CBFA2T2: variants seen among roughly 807,000 people sequenced by gnomAD.
The protein encoded by CBFA2T2 is protein CBFA2T2.
CBFA2T2 carries 11 observed loss-of-function variants against 62.2 expected under a neutral mutation model. The observed-to-expected ratio is 0.18, with a 90% confidence interval of 0.11 to 0.29. The LOEUF (loss-of-function observed/expected upper bound fraction) is 0.29. Among genes scored for constraint, CBFA2T2 ranks in the 10% least tolerant of loss-of-function variants. CBFA2T2 has a pLI of 1.00. For synonymous variants in CBFA2T2, 295 were observed against 287.5 expected (o/e 1.03, Z -0.27); for missense variants, 592 against 774.1 (o/e 0.76, Z 2.79).
At chr20:33,536,029 C>T (rs2012211268) in intron 1 of CBFA2T2, among the ~76,000 whole-genome samples, 2 of 152,220 alleles carry the variant, frequency 1.3e-5, no homozygotes, top group Non-Finnish European at 2.9e-5. Context: ...AAGAATTTTT[C>T]TTGGTACAGA....
Position 33,570,145 on chromosome 20 carries a change from G to T in CBFA2T2, c.35-36811G>T, listed in dbSNP as rs2013489924. On this transcript the variant is annotated intron_variant, in intron 1 of 10. Transcript: ENST00000342704. ...AATACAAAGAAACTAGCCAGGTGTG[G>T]TGGCACATGCCTGTAATCCCAGCTA... Among the ~76,000 whole-genome samples the T allele has an allele frequency of 2.0e-5, 3 of 152,186 alleles. No individual in the cohort carries two copies. In the South Asian group the frequency reaches 6.2e-4, roughly 31 times the overall value.
intron 1 of CBFA2T2, among the ~76,000 whole-genome samples, chr20:33,513,797 G>A (rs2011549995): frequency 8.0e-6 from 1 of 124,246 alleles, no homozygotes; most frequent in Non-Finnish European, 1.6e-5. Context: ...CCGGGTGACA[G>A]AGTAAGACTC....
intron 5 of CBFA2T2, 56 bp from the exon 6 acceptor site, chr20:33,624,708 T>C: frequency 6.3e-7 from 1 of 1,587,004 alleles, no homozygotes; most frequent in Non-Finnish European, 8.6e-7. Flanking sequence ...TCTCAGGAAA[T>C]GTCTGCATGA....
intron 3 of CBFA2T2, chr20:33,618,457 T>C (rs2015795510): frequency 6.6e-6 from 1 of 152,214 alleles, no homozygotes; most frequent in African/African-American, 2.4e-5. Context: ...GCAGAGTTGC[T>C]GAGTCTCATT....
chr20:33,640,257 C>A, intron 9 of CBFA2T2, 84 bp from the exon 10 acceptor site: 1 of 1,236,010 alleles, frequency 8.1e-7, no homozygotes, highest in Non-Finnish European at 1.1e-6. Flanking sequence ...CACTTTGTGT[C>A]AGCTCTCTCC....
At chr20:33,594,227 TTTC>T in intron 1 of CBFA2T2, among the ~76,000 whole-genome samples, 2 of 152,278 alleles carry the variant, frequency 1.3e-5, no homozygotes, top group East Asian at 1.9e-4. Flanking sequence ...ATTTCTTTCT[TTTC>T]TTTTTTTTTG....
At chr20:33,572,091 C>T (rs570147486) in intron 1 of CBFA2T2, among the ~76,000 whole-genome samples, 8 of 152,266 alleles carry the variant, frequency 5.3e-5, no homozygotes, top group African/African-American at 1.7e-4. Flanking sequence ...CGGGGTTTTG[C>T]CATGTTGGCC....
In CBFA2T2 at chr20:33,531,469, A is replaced by G. The variant is rs187614370; in HGVS notation, c.34+41168A>G. 6.6e-5 allele frequency among the ~76,000 whole-genome samples: 10 copies of G among 152,348 alleles called. No individual in the cohort carries two copies. The East Asian group carries it at 1.9e-3, about 29-fold the overall frequency. ...ATTTTTGTTGGATTATTGCCCCACT[A>G]GAAAAAACAGTTCAGATCTGTTGCA... On this transcript the variant is annotated intron_variant, in intron 1 of 10. Coordinates refer to ENST00000342704, the MANE Select transcript of CBFA2T2 (RefSeq NM_001032999.3).
chr20:33,593,780 C>T (rs1484253184), intron 1 of CBFA2T2, among the ~76,000 whole-genome samples: 1 of 102,078 alleles, frequency 9.8e-6, no homozygotes, highest in Non-Finnish European at 1.9e-5. Context: ...CTACCATTCA[C>T]TCATGAAAGA....
Position 33,643,929 on chromosome 20 carries a change from C to T in CBFA2T2, c.1489-418C>T, listed in dbSNP as rs546738740. Among the ~76,000 whole-genome samples the T allele has an allele frequency of 2.8e-3, 413 of 147,948 alleles. 7 individuals are homozygous for T. Among genetic ancestry groups the T allele is most frequent in the Middle Eastern group, 0.017 (5 of 288 alleles). The stretch of plus-strand genomic sequence containing the variant: ...TGCAGAAAGGAGTAGGATAAATGTT[C>T]GTCTTAACACATGTGGTCTTAGGAT... On this transcript the variant is annotated intron_variant, in intron 10 of 10. Transcript: ENST00000342704.
intron 1 of CBFA2T2, among the ~76,000 whole-genome samples, chr20:33,538,737 C>T (rs976278805): frequency 1.3e-5 from 2 of 152,120 alleles, no homozygotes; most frequent in Non-Finnish European, 2.9e-5. Context: ...ACTTGTTTTA[C>T]TTATTTACTT....
chr20:33,544,889 G>A (rs994575197), intron 1 of CBFA2T2, among the ~76,000 whole-genome samples: 7 of 151,882 alleles, frequency 4.6e-5, no homozygotes, highest in African/African-American at 1.5e-4. Context: ...ACATGGTCAG[G>A]CATCTGATAG....
At chr20:33,629,392 A>T (rs530632829) in intron 7 of CBFA2T2, among the ~76,000 whole-genome samples, 3 of 152,374 alleles carry the variant, frequency 2.0e-5, no homozygotes, top group Admixed American at 2.0e-4. Flanking sequence ...CAGCAAATTT[A>T]CAGTGCTGCA....
rs182466965 is a variant in CBFA2T2 at position 33,537,598 on chromosome 20, G to T, written c.34+47297G>T. On this transcript the variant is annotated intron_variant, in intron 1 of 10. Transcript: ENST00000342704. ...TCTTTGCCTAACCCGAGTTCACAAA[G>T]ATTTTCTTGTATGTTTTTTTCTGGA... is the stretch of plus-strand genomic sequence containing the variant. Among the ~76,000 whole-genome samples the T allele has an allele frequency of 2.6e-5, 4 of 152,280 alleles. No individual in the cohort carries two copies. The East Asian group carries it at 7.7e-4, about 29-fold the overall frequency.
At chr20:33,587,513 C>A (rs537379307) in intron 1 of CBFA2T2, among the ~76,000 whole-genome samples, 1 of 148,996 alleles carries the variant, frequency 6.7e-6, no homozygotes, top group East Asian at 2.0e-4. Flanking sequence ...TGATCCGCCC[C>A]CCTTGGCCTC....
At chr20:33,598,374 C>T (rs374636505) in intron 1 of CBFA2T2, among the ~76,000 whole-genome samples, 23 of 152,244 alleles carry the variant, frequency 1.5e-4, no homozygotes, top group Non-Finnish European at 3.1e-4. Flanking sequence ...CCTATACATC[C>T]AGGCGCGTAT....
intron 1 of CBFA2T2, among the ~76,000 whole-genome samples, chr20:33,564,432 AT>A (rs2013211543): frequency 6.6e-6 from 1 of 151,152 alleles, no homozygotes; most frequent in East Asian, 1.9e-4. Context: ...TAATTTTTGT[AT>A]TTTTAGTAGA....
chr20:33,506,124 G>A (rs147003787), intron 1 of CBFA2T2, among the ~76,000 whole-genome samples: 209 of 152,076 alleles, frequency 1.4e-3, no homozygotes, highest in African/African-American at 4.8e-3. Flanking sequence ...AGAAATAGAA[G>A]GGGCTGGGTA....
intron 1 of CBFA2T2, among the ~76,000 whole-genome samples, chr20:33,544,985 T>TAGAAC (rs1465934143): frequency 2.2e-5 from 3 of 134,576 alleles, no homozygotes; most frequent in African/African-American, 1.0e-4. Flanking sequence ...TAGAATAGAA[T>TAGAAC]AGAATAGAAT....
Sources: gnomAD v4.1 joint callset for allele counts (sites outside exome capture counted in the v4.1 genomes callset) on GRCh38, gnomAD v4.1.1 for gene constraint, MANE v1.5 for transcripts, NCBI Gene and HGNC (gene_info 2026-07-23, HGNC 2026-07-21) for gene names.